SREK1IP1: variants seen among roughly 807,000 people sequenced by gnomAD.
SREK1IP1 encodes the protein SREK1 interacting protein 1.
A neutral mutation model predicts 22.8 loss-of-function variants in SREK1IP1; 12 were observed. The ratio of observed to expected loss-of-function variants is 0.53; its 90% confidence interval spans 0.34 to 0.85. SREK1IP1 has a LOEUF of 0.85. Among genes scored for constraint, SREK1IP1 ranks in the 40% least tolerant of loss-of-function variants. The pLI, the probability that SREK1IP1 is intolerant of heterozygous loss-of-function variation, is 0.02. For synonymous variants in SREK1IP1, 53 were observed against 52.7 expected, an observed-to-expected ratio of 1.01 and a Z score of -0.02; for missense variants, 147 against 171.8, an observed-to-expected ratio of 0.86 and a Z score of 0.81.
intron 3 of SREK1IP1, among the ~76,000 whole-genome samples, chr5:64,732,386 C>T (rs1362107289): frequency 6.6e-6 from 1 of 151,666 alleles, no homozygotes; most frequent in Non-Finnish European, 1.5e-5. Context: ...ATCAGCTCAG[C>T]AAGAAGAAAA....
rs1379476089 is a variant in SREK1IP1 at position 64,728,125 on chromosome 5, A to G, written c.260T>C (p.Leu87Ser). 1 of 1,406,866 alleles carries G rather than the reference A, an allele frequency of 7.1e-7. No individual in the cohort carries two copies. Among genetic ancestry groups the G allele is most frequent in the African/African-American group, 1.6e-5 (1 of 63,632 alleles). The allele number at this position is 1,406,866 out of a possible 1,614,324, so 87.1% of individuals were successfully genotyped here. ...KKEKSKEKIK[L>S]KKKRKRSYSS... ...AAAATACCTTTTCCTTTTTTTTTTC[A>G]ATTTGATTTTTTCTTTGCTTTTTTC... Residue 87 changes from leucine to serine, a missense_variant, in exon 4 of 5, where the codon TTG (leucine) becomes TCG (serine). By Grantham distance (145) the Leu-to-Ser change is moderately radical. Coordinates refer to ENST00000513458, the MANE Select transcript of SREK1IP1 (RefSeq NM_173829.4).
intron 3 of SREK1IP1, among the ~76,000 whole-genome samples, chr5:64,734,041 T>C (rs920075457): frequency 6.6e-6 from 1 of 152,050 alleles, no homozygotes; most frequent in Non-Finnish European, 1.5e-5. Context: ...GGAAATGTTC[T>C]GTGTAGACTG....
chr5:64,761,079 T>C (rs1041527266), intron 1 of SREK1IP1, among the ~76,000 whole-genome samples: 1 of 152,352 alleles, frequency 6.6e-6, no homozygotes, highest in Middle Eastern at 3.4e-3. Context: ...AGAGGTTACA[T>C]TGCAGACTTT....
rs557335541 is a variant in SREK1IP1, at chr5:64,768,389, T to C, written c.13+116A>G. ...TGTAAACAAAACAAACCTGTGAATT[T>C]TAAGGCCTCCGCCTAAATCCCCATG... On this transcript the variant is annotated intron_variant, in intron 1 of 4. Transcript: ENST00000513458. The C allele has an allele frequency of 2.6e-5, 35 of 1,352,132 alleles. No individual in the cohort carries two copies. The African/African-American group carries it at 5.1e-4, about 20-fold the overall frequency. The allele number at this position is 1,352,132 out of a possible 1,614,324, so 83.8% of individuals were successfully genotyped here. A position where few individuals can be genotyped will look rare whatever the true frequency, so the allele number is the denominator to read the frequency against.
intron 1 of SREK1IP1, among the ~76,000 whole-genome samples, chr5:64,763,898 T>C (rs1393587094): frequency 6.6e-6 from 1 of 152,234 alleles, no homozygotes; most frequent in Non-Finnish European, 1.5e-5. Context: ...AGTTTATCTA[T>C]ACCTTGCCAT....
rs538005651 is a variant in SREK1IP1, at chr5:64,765,904, CA to C, written c.13+2600del. On this transcript the variant is annotated intron_variant, in intron 1 of 4. Coordinates refer to ENST00000513458, the MANE Select transcript of SREK1IP1 (RefSeq NM_173829.4). ...CACACAGGTGCCCAAAAGGCTTGCT[CA>C]AGTAATGAAATGAGCAGTGATAACA... Among the ~76,000 whole-genome samples, 5 of 152,334 alleles carry C rather than the reference CA, an allele frequency of 3.3e-5. No individual in the cohort carries two copies. In the South Asian group the frequency reaches 8.3e-4, roughly 25 times the overall value.
At chr5:64,764,183 C>T (rs549279449) in intron 1 of SREK1IP1, among the ~76,000 whole-genome samples, 13 of 152,190 alleles carry the variant, frequency 8.5e-5, no homozygotes, top group Non-Finnish European at 1.8e-4. Flanking sequence ...AGAAAGTTTA[C>T]GAGTCTGTGT....
intron 4 of SREK1IP1, chr5:64,727,553 A>ATTTTTTTTTTTTTTTTTT (rs1186653493): frequency 1.2e-5 from 1 of 84,716 alleles, no homozygotes; most frequent in African/African-American, 5.5e-5. Flanking sequence ...ATATATATAT[A>ATTTTTTTTTTTTTTTTTT]TTTTTTTTTT....
At chr5:64,756,959 G>A (rs1742852408) in intron 1 of SREK1IP1, among the ~76,000 whole-genome samples, 2 of 152,088 alleles carry the variant, frequency 1.3e-5, no homozygotes, top group South Asian at 4.2e-4. Flanking sequence ...TTGAAATGGA[G>A]ATATAATCCT....
intron 2 of SREK1IP1, among the ~76,000 whole-genome samples, 170 bp from the exon 3 acceptor site, chr5:64,741,370 T>C (rs1481534190): frequency 6.6e-6 from 1 of 152,178 alleles, no homozygotes; most frequent in Admixed American, 6.5e-5. Flanking sequence ...TCCCTATACT[T>C]TTCCATGAAT....
At chr5:64,725,950 C>G (rs182568053) in intron 4 of SREK1IP1, among the ~76,000 whole-genome samples, 1 of 150,358 alleles carries the variant, frequency 6.7e-6, no homozygotes, top group Non-Finnish European at 1.5e-5. Context: ...CTGCAACCTC[C>G]GCTCCCCCGA....
At position 64,721,683 on chromosome 5, in the gene SREK1IP1, T is replaced by C. The variant is rs1742165334; in HGVS notation, c.*2701A>G. 6.6e-6 allele frequency: 1 copy of C among 152,070 alleles called. No individual in the cohort carries two copies. Among genetic ancestry groups the C allele is most frequent in the African/African-American group, 2.4e-5 (1 of 41,418 alleles). 9.4% of individuals were successfully genotyped at this position (152,070 alleles called of 1,614,324 possible). On this transcript the variant is annotated 3_prime_UTR_variant, in exon 5 of 5. Coordinates refer to ENST00000513458, the MANE Select transcript of SREK1IP1 (RefSeq NM_173829.4). ...TCCAGATGCAAACCTAAATATAAAT[T>C]CTGCCTGCATTTGGTGAAAATGACA...
intron 1 of SREK1IP1, among the ~76,000 whole-genome samples, chr5:64,767,372 G>A (rs965666413): frequency 6.6e-6 from 1 of 152,204 alleles, no homozygotes; most frequent in Non-Finnish European, 1.5e-5. Flanking sequence ...AGTTCTGTGT[G>A]AAGCGTAACC....
rs554101168 is a variant in SREK1IP1, at chr5:64,763,796, G to A, written c.13+4709C>T. 2.6e-5 allele frequency among the ~76,000 whole-genome samples: 4 copies of A among 152,254 alleles called. No individual in the cohort carries two copies. The East Asian group carries it at 7.7e-4, about 29-fold the overall frequency. ...CCCTACAGGGATATCCAATCTTCTG[G>A]CTTTGCTGGGCCACACTGTTTTGGG... On this transcript the variant is annotated intron_variant, in intron 1 of 4. Coordinates refer to ENST00000513458, the MANE Select transcript of SREK1IP1 (RefSeq NM_173829.4).
chr5:64,719,153 CAT>C lies in SREK1IP1; in HGVS notation c.*5229_*5230del, dbSNP rs1473178009. Reference sequence around the variant, plus strand: ...GCACTAATATGGTAGCCACCAGTCACATGTGGCTACTGAACACTTAAGATGTG... The same window carrying C: ...GCACTAATATGGTAGCCACCAGTCACGTGGCTACTGAACACTTAAGATGTG... On this transcript the variant is annotated 3_prime_UTR_variant, in exon 5 of 5. Coordinates refer to ENST00000513458, the MANE Select transcript of SREK1IP1 (RefSeq NM_173829.4). 6.6e-6 allele frequency: 1 copy of C among 152,154 alleles called. No individual in the cohort carries two copies. The highest frequency in any genetic ancestry group is 2.4e-5 in the African/African-American group (1 of 41,436). The allele number at this position is 152,154 out of a possible 1,614,324, so 9.4% of individuals were successfully genotyped here. A position where few individuals can be genotyped will look rare whatever the true frequency, so the allele number is the denominator to read the frequency against.
intron 2 of SREK1IP1, among the ~76,000 whole-genome samples, chr5:64,751,647 C>T (rs1742742145): frequency 6.6e-6 from 1 of 152,218 alleles, no homozygotes; most frequent in Admixed American, 6.5e-5. Context: ...CGTCATAGTG[C>T]TGCACCCTCC....
rs540656359 is a variant in SREK1IP1, at chr5:64,734,682, A to G, written c.205+6375T>C. 1.6e-4 allele frequency among the ~76,000 whole-genome samples: 21 copies of G among 133,056 alleles called. No individual in the cohort carries two copies. In the South Asian group the frequency reaches 4.5e-3, roughly 28 times the overall value. 87.3% of individuals were successfully genotyped at this position (133,056 alleles called of 152,430 possible). A position where few individuals can be genotyped will look rare whatever the true frequency, so the allele number is the denominator to read the frequency against. ...TATTTCATTCTTTATGCTACCATAA[A>G]AGATATCTGTAAAATTTTAACTTGA... On this transcript the variant is annotated intron_variant, in intron 3 of 4. Coordinates refer to ENST00000513458, the MANE Select transcript of SREK1IP1 (RefSeq NM_173829.4).
At position 64,721,557 on chromosome 5, in the gene SREK1IP1, C is replaced by T. The variant is rs2112080915; in HGVS notation, c.*2827G>A. ...AAATAGGGATACCTCTGAGAAATAT[C>T]AACCAACATATGATATGCAAAAAAA... On this transcript the variant is annotated 3_prime_UTR_variant, in exon 5 of 5. Coordinates refer to ENST00000513458, the MANE Select transcript of SREK1IP1 (RefSeq NM_173829.4). The T allele has an allele frequency of 6.7e-6, 1 of 150,002 alleles. No homozygotes were observed. Among genetic ancestry groups the T allele is most frequent in the African/African-American group, 2.5e-5 (1 of 40,554 alleles). 9.3% of individuals were successfully genotyped at this position (150,002 alleles called of 1,614,324 possible). A position where few individuals can be genotyped will look rare whatever the true frequency, so the allele number is the denominator to read the frequency against.
chr5:64,727,553 A>ATATATATATTTTTTTTTTTT, intron 4 of SREK1IP1: 4 of 84,678 alleles, frequency 4.7e-5, no homozygotes, highest in African/African-American at 1.6e-4. Context: ...ATATATATAT[A>ATATATATATTTTTTTTTTTT]TTTTTTTTTT....
Sources: allele counts gnomAD v4.1 joint callset (sites outside exome capture counted in the v4.1 genomes callset), GRCh38; gene constraint gnomAD v4.1.1; transcripts MANE v1.5; gene names NCBI Gene and HGNC (gene_info 2026-07-23, HGNC 2026-07-21).